LRCH2: variants seen among roughly 807,000 people sequenced by gnomAD.
LRCH2 encodes leucine rich repeats and calponin homology domain containing 2, also known as leucine-rich repeat and calponin homology domain-containing protein 2.
In LRCH2, 38 loss-of-function variants were observed where a neutral mutation model predicts 68.9. The observed-to-expected ratio is 0.55, with a 90% CI of 0.43 to 0.72. LRCH2 has a LOEUF of 0.72. Among genes scored for constraint, LRCH2 ranks in the 30% least tolerant of loss-of-function variants. LRCH2 has a pLI of 0.00. For missense variants in LRCH2, 528 were observed against 572.9 expected, an observed-to-expected ratio of 0.92 and a Z score of 0.80; for synonymous variants, 191 against 208.1, an observed-to-expected ratio of 0.92 and a Z score of 0.71.
At chrX:115,232,078 G>A (rs929724025) in intron 1 of LRCH2, among the ~76,000 whole-genome samples, 6 of 110,918 alleles carry the variant, frequency 5.4e-5, no homozygotes, top group African/African-American at 1.6e-4. Context: ...ATGTATTTGA[G>A]AGACAGAGAG....
intron 15 of LRCH2, among the ~76,000 whole-genome samples, chrX:115,129,356 T>C (rs2072224035): frequency 9.0e-6 from 1 of 111,571 alleles, no homozygotes; most frequent in Non-Finnish European, 1.9e-5. Context: ...TGCTGATGCA[T>C]GGGTAAATAT....
chrX:115,164,279 C>T (rs2072541560), intron 10 of LRCH2, among the ~76,000 whole-genome samples: 1 of 111,039 alleles, frequency 9.0e-6, no homozygotes, highest in South Asian at 3.7e-4. Flanking sequence ...GGCAAATTTG[C>T]GTGAAAATAC....
chrX:115,151,460 C>T (rs1352018525), intron 12 of LRCH2, among the ~76,000 whole-genome samples: 3 of 110,574 alleles, frequency 2.7e-5, no homozygotes, highest in Admixed American at 9.7e-5. Flanking sequence ...TTCCTTACCT[C>T]ATACCAAATA....
chrX:115,207,201 C>CA (rs2072974405), intron 1 of LRCH2, among the ~76,000 whole-genome samples: 1 of 109,831 alleles, frequency 9.1e-6, no homozygotes, highest in Non-Finnish European at 1.9e-5. Flanking sequence ...TGAGTTCCAG[C>CA]AAAAAATTAA....
intron 1 of LRCH2, among the ~76,000 whole-genome samples, chrX:115,197,292 AC>A (rs782593665): frequency 9.9e-5 from 11 of 111,672 alleles, no homozygotes; most frequent in African/African-American, 3.6e-4. Context: ...GTAGATCCTA[AC>A]CAAAAAAGAA....
At chrX:115,216,788 T>C (rs782607571) in intron 1 of LRCH2, among the ~76,000 whole-genome samples, 2 of 111,731 alleles carry the variant, frequency 1.8e-5, no homozygotes, top group Non-Finnish European at 3.8e-5. Flanking sequence ...GAAATCATCC[T>C]CTTTTTCCAG....
At chrX:115,210,864 T>C (rs1288465562) in intron 1 of LRCH2, among the ~76,000 whole-genome samples, 1 of 111,942 alleles carries the variant, frequency 8.9e-6, no homozygotes, top group Non-Finnish European at 1.9e-5. Flanking sequence ...TCTGGAGCTT[T>C]AAGATTTGAC....
chrX:115,160,617 C>G (rs2072512177), intron 11 of LRCH2, among the ~76,000 whole-genome samples: 1 of 111,698 alleles, frequency 9.0e-6, no homozygotes, highest in African/African-American at 3.2e-5. Flanking sequence ...AGACTAAAAA[C>G]AAACAAAATT....
intron 11 of LRCH2, among the ~76,000 whole-genome samples, chrX:115,157,335 T>A (rs2072483354): frequency 9.0e-6 from 1 of 110,700 alleles, no homozygotes. Context: ...ACTTTTAAAA[T>A]TTAATATAAG....
chrX:115,191,639 A>G, intron 1 of LRCH2: 1 of 1,158,821 alleles, frequency 8.6e-7, no homozygotes, highest in Non-Finnish European at 1.2e-6. Context: ...CGGGGCCACG[A>G]CAGTTCCAGC....
chrX:115,233,813 C>T lies in LRCH2; in HGVS notation c.229G>A (p.Val77Met). 1 of 1,171,093 alleles carries T rather than the reference C, an allele frequency of 8.5e-7. No homozygotes were observed. The highest frequency in any genetic ancestry group is 1.9e-5 in the South Asian group (1 of 52,864). Residue 77 changes from valine (V) to methionine (M), a missense_variant, in exon 1 of 21, where the codon GTG becomes ATG. Physicochemically the swap from Val to Met is conservative, Grantham distance 21. Transcript: ENST00000317135. ...TCCAGGGCCCGGTCCAGGCTCCTCA[C>T]GGTGTGCTGAGGCTGCAGGCTCCCC... is the stretch of plus-strand genomic sequence containing the variant. ...NPGSLQPQHT[V>M]RSLDRALEEA...
intron 1 of LRCH2, among the ~76,000 whole-genome samples, chrX:115,193,218 GA>G (rs1266773536): frequency 5.7e-5 from 6 of 105,604 alleles, no homozygotes; most frequent in Admixed American, 4.1e-4. Context: ...AAAGTAAATG[GA>G]AAAAAAAAAG....
chrX:115,165,795 T>C, intron 8 of LRCH2, 46 bp downstream of exon 8: 1 of 994,680 alleles, frequency 1.0e-6, no homozygotes, highest in Non-Finnish European at 1.4e-6. Flanking sequence ...ATTTTTAATG[T>C]GGGCTATGTA....
intron 15 of LRCH2, among the ~76,000 whole-genome samples, chrX:115,128,125 A>G (rs936938842): frequency 7.1e-5 from 8 of 112,231 alleles, no homozygotes; most frequent in African/African-American, 1.9e-4. Context: ...CAGTAGAAAT[A>G]AAAGGGGAAT....
At chrX:115,135,286 A>G (rs1000640807) in intron 14 of LRCH2, among the ~76,000 whole-genome samples, 1 of 107,723 alleles carries the variant, frequency 9.3e-6, no homozygotes, top group Non-Finnish European at 1.9e-5. Context: ...TGCCACCGTG[A>G]CCAGCTAATT....
intron 1 of LRCH2, among the ~76,000 whole-genome samples, chrX:115,194,578 A>G (rs1226526531): frequency 8.9e-6 from 1 of 112,321 alleles, no homozygotes; most frequent in African/African-American, 3.2e-5. Context: ...ACTCATAAAT[A>G]ATATAGTGGT....
At chrX:115,196,567 C>T (rs781951664) in intron 1 of LRCH2, among the ~76,000 whole-genome samples, 1 of 111,543 alleles carries the variant, frequency 9.0e-6, no homozygotes, top group South Asian at 3.8e-4. Flanking sequence ...ACCAGGGGCA[C>T]ATGAGCACCA....
intron 6 of LRCH2, 44 bp downstream of exon 6, chrX:115,170,255 G>A (rs2072594686): frequency 9.1e-7 from 1 of 1,100,637 alleles, no homozygotes; most frequent in Non-Finnish European, 1.2e-6. Flanking sequence ...CATAAAAAGA[G>A]AAGACAGCAA....
At chrX:115,157,127 C>T (rs1185869148) in intron 11 of LRCH2, among the ~76,000 whole-genome samples, 1 of 111,089 alleles carries the variant, frequency 9.0e-6, no homozygotes, top group African/African-American at 3.3e-5. Context: ...GTTTCTTAAA[C>T]TTTTAATAAC....
Sources: allele counts gnomAD v4.1 joint callset (sites outside exome capture counted in the v4.1 genomes callset), GRCh38; gene constraint gnomAD v4.1.1; transcripts MANE v1.5; gene names NCBI Gene and HGNC (gene_info 2026-07-23, HGNC 2026-07-21).